The following GOLM2 variants were observed in gnomAD, a reference collection of about 807,000 sequenced individuals.
GOLM2 encodes the protein golgi membrane protein 2.
GOLM2 carries 26 observed loss-of-function variants against 55.9 expected under a neutral mutation model. The observed-to-expected ratio is 0.47, with a 90% CI of 0.34 to 0.65. GOLM2 has a LOEUF of 0.65. Among genes scored for constraint, GOLM2 ranks in the 30% least tolerant of loss-of-function variants. GOLM2 has a pLI of 0.01. For missense variants in GOLM2, 486 were observed against 531.8 expected, an observed-to-expected ratio of 0.91 and a Z score of 0.85; for synonymous variants, 165 against 194.6, an observed-to-expected ratio of 0.85 and a Z score of 1.27.
intron 6 of GOLM2, among the ~76,000 whole-genome samples, chr15:44,351,107 A>G (rs2079159548): frequency 6.6e-6 from 1 of 152,140 alleles, no homozygotes. Flanking sequence ...CATTTGATCT[A>G]GTACTGTTAT....
chr15:44,378,141 C>T (rs898974750), intron 6 of GOLM2, among the ~76,000 whole-genome samples: 5 of 151,282 alleles, frequency 3.3e-5, no homozygotes, highest in South Asian at 2.1e-4. Context: ...CTCTGCGTCC[C>T]GGGTTCACGC....
chr15:44,401,605 G>C (rs2079565716), intron 8 of GOLM2, among the ~76,000 whole-genome samples: 1 of 152,094 alleles, frequency 6.6e-6, no homozygotes, highest in South Asian at 2.1e-4. Flanking sequence ...ATCACAGAAA[G>C]TTGTTAAATT....
intron 1 of GOLM2, among the ~76,000 whole-genome samples, chr15:44,304,541 C>T (rs1450419194): frequency 2.0e-5 from 3 of 152,016 alleles, no homozygotes; most frequent in Non-Finnish European, 4.4e-5. Flanking sequence ...CGCTCCCAGC[C>T]CTCCAGGCTC....
chr15:44,375,216 T>C (rs2079356749), intron 6 of GOLM2, among the ~76,000 whole-genome samples: 1 of 152,084 alleles, frequency 6.6e-6, no homozygotes, highest in Admixed American at 6.6e-5. Flanking sequence ...AGACGGGGTT[T>C]CGCCATGTTG....
intron 6 of GOLM2, among the ~76,000 whole-genome samples, chr15:44,350,956 G>A (rs971041127): frequency 6.6e-6 from 1 of 152,086 alleles, no homozygotes; most frequent in African/African-American, 2.4e-5. Context: ...CAAAAAACTG[G>A]ATGTAGAAAG....
At chr15:44,302,120 T>C (rs905999524) in intron 1 of GOLM2, among the ~76,000 whole-genome samples, 3 of 152,074 alleles carry the variant, frequency 2.0e-5, no homozygotes, top group African/African-American at 7.2e-5. Flanking sequence ...TAGGAAGCCA[T>C]TGATTGACTC....
rs146079153 is a variant in GOLM2, at chr15:44,395,064, C to T, written c.1073-7823C>T. Among the ~76,000 whole-genome samples the T allele has an allele frequency of 1.9e-3, 283 of 151,426 alleles. 14 individuals carry two copies. In the East Asian group the frequency reaches 0.048, roughly 26 times the overall value. ...TCGCTCTGTTGCCCAGGCCAGAGTG[C>T]AGTGGTGCAATCTTGGCTCACTGCA... On this transcript the variant is annotated intron_variant, in intron 8 of 9. Coordinates refer to ENST00000299957, the MANE Select transcript of GOLM2 (RefSeq NM_138423.4).
At chr15:44,371,369 A>C (rs1233175828) in intron 6 of GOLM2, among the ~76,000 whole-genome samples, 2 of 152,204 alleles carry the variant, frequency 1.3e-5, no homozygotes, top group African/African-American at 4.8e-5. Context: ...GTGGAAGTTC[A>C]TGTTGTCCTT....
At chr15:44,403,231 T>C (rs2079577508) in intron 9 of GOLM2, 177 bp downstream of exon 9, 3 of 631,294 alleles carry the variant, frequency 4.8e-6, no homozygotes, top group Admixed American at 2.4e-5. Flanking sequence ...GGTGCGATCT[T>C]GGCTCACCGC....
At chr15:44,323,759 A>T (rs981701996) in intron 2 of GOLM2, among the ~76,000 whole-genome samples, 8 of 152,168 alleles carry the variant, frequency 5.3e-5, no homozygotes, top group African/African-American at 1.7e-4. Context: ...CTTCAAAAAT[A>T]TCCTTTATTC....
intron 1 of GOLM2, among the ~76,000 whole-genome samples, chr15:44,314,245 A>AAAAAG (rs1555421657): frequency 4.6e-5 from 7 of 151,552 alleles, no homozygotes; most frequent in Admixed American, 1.3e-4. Flanking sequence ...TCAAAAAAAA[A>AAAAAG]AAAAGAAAAG....
chr15:44,374,023 C>T (rs1408839228), intron 6 of GOLM2, among the ~76,000 whole-genome samples: 1 of 152,138 alleles, frequency 6.6e-6, no homozygotes, highest in African/African-American at 2.4e-5. Context: ...ATTGCTTGAA[C>T]CCACGGGGCT....
At chr15:44,408,990 C>T (rs868118937) in intron 9 of GOLM2, among the ~76,000 whole-genome samples, 1 of 151,314 alleles carries the variant, frequency 6.6e-6, no homozygotes, top group Middle Eastern at 3.2e-3. Context: ...AAACAAATCC[C>T]AAAAAGGACG....
intron 8 of GOLM2, among the ~76,000 whole-genome samples, chr15:44,383,037 G>C (rs1169949629): frequency 6.6e-6 from 1 of 150,464 alleles, no homozygotes; most frequent in Non-Finnish European, 1.5e-5. Context: ...ACAATTTTGT[G>C]ATTTACTTTG....
intron 6 of GOLM2, among the ~76,000 whole-genome samples, chr15:44,351,659 G>C (rs936688779): frequency 1.3e-5 from 2 of 150,500 alleles, no homozygotes; most frequent in African/African-American, 4.9e-5. Flanking sequence ...CTTGTTTGCA[G>C]GTGATGTTAT....
intron 1 of GOLM2, among the ~76,000 whole-genome samples, chr15:44,301,823 A>T (rs1305481335): frequency 1.3e-5 from 2 of 151,844 alleles, no homozygotes; most frequent in Non-Finnish European, 1.5e-5. Context: ...GAGGCAGGAG[A>T]ATTACTTGAA....
chr15:44,356,282 A>G (rs1172423348), intron 6 of GOLM2, among the ~76,000 whole-genome samples: 2 of 152,210 alleles, frequency 1.3e-5, no homozygotes, highest in African/African-American at 2.4e-5. Flanking sequence ...GAGAAAATCA[A>G]TGAAACCAAT....
intron 9 of GOLM2, among the ~76,000 whole-genome samples, chr15:44,410,291 A>G (rs1431625209): frequency 6.6e-6 from 1 of 152,046 alleles, no homozygotes; most frequent in East Asian, 1.9e-4. Context: ...ATACAAAAAA[A>G]TTAGCTGGGC....
Position 44,391,105 on chromosome 15 carries a change from C to T in GOLM2, c.1072+10129C>T, listed in dbSNP as rs151041757. 4.4e-3 allele frequency among the ~76,000 whole-genome samples: 669 copies of T among 152,208 alleles called. 4 individuals are homozygous for T. The highest frequency in any genetic ancestry group is 0.016 in the African/African-American group (648 of 41,524). ...AGTTGAATAGGTATCAAAAGTTCCC[C>T]CCTTCCCTCAAAAGAGACTGGTAAA... On this transcript the variant is annotated intron_variant, in intron 8 of 9. Coordinates refer to ENST00000299957, the MANE Select transcript of GOLM2 (RefSeq NM_138423.4).
Sources: gnomAD v4.1 joint callset for allele counts (sites outside exome capture counted in the v4.1 genomes callset) on GRCh38, gnomAD v4.1.1 for gene constraint, MANE v1.5 for transcripts, NCBI Gene and HGNC (gene_info 2026-07-23, HGNC 2026-07-21) for gene names.